Variants in SCCPDH observed in about 807,000 individuals in gnomAD.
The protein encoded by SCCPDH is saccharopine dehydrogenase (putative), also known as saccharopine dehydrogenase-like oxidoreductase.
In SCCPDH, 34 loss-of-function variants were observed where a neutral mutation model predicts 51.5. That is an observed-to-expected ratio of 0.66 (90% confidence interval 0.50 to 0.88). SCCPDH has a LOEUF of 0.88. Ranked by LOEUF, SCCPDH falls within the 40% of genes least tolerant of loss-of-function variation. The pLI is 0.00. For synonymous variants in SCCPDH, 187 were observed against 191.3 expected, an observed-to-expected ratio of 0.98 and a Z score of 0.19; for missense variants, 464 against 527.1, an observed-to-expected ratio of 0.88 and a Z score of 1.17.
At chr1:246,728,417 A>G (rs1460434918) in intron 2 of SCCPDH, among the ~76,000 whole-genome samples, 3 of 152,208 alleles carry the variant, frequency 2.0e-5, no homozygotes, top group South Asian at 4.2e-4. Context: ...ACTCTGGAAA[A>G]ATCCCAGCCC....
rs186388044 is a variant in SCCPDH, at chr1:246,751,745, A to G, written c.565-6481A>G. 1.2e-3 allele frequency among the ~76,000 whole-genome samples: 183 copies of G among 150,754 alleles called. 1 individual carries two copies. The highest frequency in any genetic ancestry group is 4.2e-3 in the African/African-American group (172 of 41,084). On this transcript the variant is annotated intron_variant, in intron 5 of 11. Transcript: ENST00000366510. ...TTAATTTACTTTAGGACAAGAATTT[A>G]CCATATAAGATTCTTTTTACATAAA...
chr1:246,743,845 A>G (rs1428752355), intron 4 of SCCPDH, among the ~76,000 whole-genome samples: 1 of 152,194 alleles, frequency 6.6e-6, no homozygotes, highest in African/African-American at 2.4e-5. Flanking sequence ...TAGACCTAAT[A>G]GAGATAGAGT....
chr1:246,744,208 T>C lies in SCCPDH; in HGVS notation c.564+83T>C, dbSNP rs1008310170. ...ATGATACATGTGTCTTTTAGGTATGTATAATTTTTAATGTGTGAAAGTCAC... is the reference window on the plus strand; with the variant it reads ...ATGATACATGTGTCTTTTAGGTATGCATAATTTTTAATGTGTGAAAGTCAC... On this transcript the variant is annotated intron_variant, in intron 5 of 11. Coordinates refer to ENST00000366510, the MANE Select transcript of SCCPDH (RefSeq NM_016002.3). 3.1e-4 allele frequency: 226 copies of C among 726,592 alleles called. 2 individuals are homozygous for C. In the Admixed American group the frequency reaches 4.6e-3, roughly 15 times the overall value. The allele number at this position is 726,592 out of a possible 1,614,324, so 45.0% of individuals were successfully genotyped here.
intron 3 of SCCPDH, among the ~76,000 whole-genome samples, chr1:246,739,364 G>T (rs1443212523): frequency 6.6e-6 from 1 of 152,318 alleles, no homozygotes; most frequent in East Asian, 1.9e-4. Flanking sequence ...ACAAATTCCA[G>T]TAGAGGGGCA....
chr1:246,761,633 T>A (rs1669017488), intron 9 of SCCPDH, among the ~76,000 whole-genome samples: 2 of 152,240 alleles, frequency 1.3e-5, no homozygotes, highest in Non-Finnish European at 2.9e-5. Flanking sequence ...AAGTGCCTCA[T>A]GTAAATGGAA....
chr1:246,761,265 C>G (rs1248749432), intron 9 of SCCPDH, among the ~76,000 whole-genome samples: 1 of 152,190 alleles, frequency 6.6e-6, no homozygotes, highest in African/African-American at 2.4e-5. Flanking sequence ...TTAGTAGAGA[C>G]ACGGTTTCAC....
At chr1:246,731,138 G>A (rs114174931) in intron 2 of SCCPDH, among the ~76,000 whole-genome samples, 1,677 of 152,298 alleles carry the variant, frequency 0.011, 28 homozygotes, top group African/African-American at 0.039. Flanking sequence ...CCTCACAGGG[G>A]AGAAGTGTCT....
At chr1:246,745,983 C>T (rs1020865161) in intron 5 of SCCPDH, among the ~76,000 whole-genome samples, 1 of 151,940 alleles carries the variant, frequency 6.6e-6, no homozygotes, top group Non-Finnish European at 1.5e-5. Context: ...TGGCAGGCAC[C>T]TGTAGTCCCA....
intron 5 of SCCPDH, among the ~76,000 whole-genome samples, chr1:246,753,111 C>T (rs971882804): frequency 2.0e-5 from 3 of 151,618 alleles, no homozygotes; most frequent in African/African-American, 7.3e-5. Context: ...AGTCTTTCTC[C>T]TCTAGGATTT....
At chr1:246,738,999 G>T (rs1668639011) in intron 3 of SCCPDH, among the ~76,000 whole-genome samples, 1 of 152,192 alleles carries the variant, frequency 6.6e-6, no homozygotes, top group Admixed American at 6.5e-5. Context: ...GTATGTGTGT[G>T]ACTATGTTAG....
At position 246,734,963 on chromosome 1, in the gene SCCPDH, T is replaced by C. The variant is rs142877745; in HGVS notation, c.304-1012T>C. On this transcript the variant is annotated intron_variant, in intron 2 of 11. Transcript: ENST00000366510. ...TCTGCTCTGTTCAGTATCAAACTTATCCTTTGCAAACTCTCTTCTTCCTGT... is the reference window on the plus strand; with the variant it reads ...TCTGCTCTGTTCAGTATCAAACTTACCCTTTGCAAACTCTCTTCTTCCTGT... Among the ~76,000 whole-genome samples the C allele has an allele frequency of 1.4e-4, 21 of 152,380 alleles. 1 individual carries two copies. The highest frequency in any genetic ancestry group is 4.8e-4 in the African/African-American group (20 of 41,596).
intron 5 of SCCPDH, among the ~76,000 whole-genome samples, chr1:246,757,118 C>T (rs1223586591): frequency 2.6e-5 from 4 of 152,078 alleles, no homozygotes; most frequent in Non-Finnish European, 5.9e-5. Context: ...CCAAGGCGGG[C>T]GGCTTGCCTG....
chr1:246,727,119 A>C, intron 2 of SCCPDH, 115 bp downstream of exon 2: 1 of 793,168 alleles, frequency 1.3e-6, no homozygotes, highest in Non-Finnish European at 2.0e-6. Context: ...CCTTAACCCC[A>C]TATGGGGAGT....
intron 5 of SCCPDH, 49 bp downstream of exon 5, chr1:246,744,174 AT>A: frequency 8.8e-7 from 1 of 1,132,106 alleles, no homozygotes; most frequent in South Asian, 1.4e-5. Context: ...TATTAAAAAT[AT>A]TTTGGAAATG....
intron 9 of SCCPDH, among the ~76,000 whole-genome samples, chr1:246,763,458 A>G (rs984019421): frequency 6.6e-6 from 1 of 152,158 alleles, no homozygotes. Context: ...CCTTTAAATA[A>G]TGGGTTCTCC....
At chr1:246,759,368 A>C (rs1477035240) in intron 7 of SCCPDH, among the ~76,000 whole-genome samples, 1 of 152,178 alleles carries the variant, frequency 6.6e-6, no homozygotes, top group Non-Finnish European at 1.5e-5. Flanking sequence ...TTTTAATGTA[A>C]CACAATAGCA....
At chr1:246,730,719 G>T (rs114613614) in intron 2 of SCCPDH, among the ~76,000 whole-genome samples, 1 of 152,158 alleles carries the variant, frequency 6.6e-6, no homozygotes, top group Non-Finnish European at 1.5e-5. Context: ...ATCATTCTGC[G>T]CTTCCCTTAG....
Position 246,747,007 on chromosome 1 carries a change from G to C in SCCPDH, c.564+2882G>C, listed in dbSNP as rs575652568. ...AAAAGCATGCTTGGGACCCTTGGTA[G>C]CATGTGTTAGAAACCCAGCTTAAAC... On this transcript the variant is annotated intron_variant, in intron 5 of 11. Transcript: ENST00000366510. Among the ~76,000 whole-genome samples the C allele has an allele frequency of 3.9e-5, 6 of 152,332 alleles. No individual in the cohort carries two copies. In the South Asian group the frequency reaches 1.2e-3, roughly 32 times the overall value.
At chr1:246,741,893 C>G (rs1486440631) in intron 4 of SCCPDH, among the ~76,000 whole-genome samples, 4 of 152,026 alleles carry the variant, frequency 2.6e-5, no homozygotes, top group Non-Finnish European at 5.9e-5. Flanking sequence ...ATGGTGAAAC[C>G]TTGTCTCTAC....
Sources: allele counts gnomAD v4.1 joint callset (sites outside exome capture counted in the v4.1 genomes callset), GRCh38; gene constraint gnomAD v4.1.1; transcripts MANE v1.5; gene names NCBI Gene and HGNC (gene_info 2026-07-23, HGNC 2026-07-21).